The following SNX24 variants were observed in gnomAD, a reference collection of about 807,000 sequenced individuals.
SNX24 encodes sorting nexin-24.
Under a neutral mutation model 28.7 loss-of-function variants are expected in SNX24, and 22 were observed. The ratio of observed to expected loss-of-function variants is 0.77; its 90% CI spans 0.55 to 1.10. The LOEUF (loss-of-function observed/expected upper bound fraction) is 1.10. Among genes scored for constraint, SNX24 ranks in the 50% least tolerant of loss-of-function variants. The pLI, the probability that SNX24 is intolerant of heterozygous loss-of-function variation, is 0.00. For synonymous variants in SNX24, 69 were observed against 71.5 expected, an observed-to-expected ratio of 0.96 and a Z score of 0.18; for missense variants, 221 against 201.1, an observed-to-expected ratio of 1.10 and a Z score of -0.60.
At chr5:122,913,978 C>T (rs527700926) in intron 1 of SNX24, among the ~76,000 whole-genome samples, 84 of 152,290 alleles carry the variant, frequency 5.5e-4, no homozygotes, top group African/African-American at 2.0e-3. Context: ...GGCGTGGCGG[C>T]GCGCACCTGC....
At chr5:122,928,856 G>A (rs887721816) in intron 1 of SNX24, among the ~76,000 whole-genome samples, 2 of 147,320 alleles carry the variant, frequency 1.4e-5, no homozygotes, top group African/African-American at 5.0e-5. Context: ...CAGAGACCTT[G>A]TATGGTTTTC....
At chr5:122,871,874 A>G (rs577347938) in intron 1 of SNX24, among the ~76,000 whole-genome samples, 2 of 152,126 alleles carry the variant, frequency 1.3e-5, no homozygotes, top group Non-Finnish European at 2.9e-5. Flanking sequence ...TTGATTCCAC[A>G]TTCTGGCATC....
intron 6 of SNX24, among the ~76,000 whole-genome samples, chr5:123,007,369 A>T (rs974991112): frequency 2.6e-5 from 4 of 152,264 alleles, no homozygotes; most frequent in Admixed American, 2.6e-4. Context: ...AGTGTAATCC[A>T]TCTTCCTTTT....
chr5:122,980,923 C>G (rs1761366831), intron 3 of SNX24, among the ~76,000 whole-genome samples: 1 of 151,998 alleles, frequency 6.6e-6, no homozygotes, highest in Non-Finnish European at 1.5e-5. Context: ...TCTGAAATTG[C>G]CGGTGCTCAT....
At chr5:122,963,432 A>G (rs1383937830) in intron 3 of SNX24, among the ~76,000 whole-genome samples, 1 of 152,188 alleles carries the variant, frequency 6.6e-6, no homozygotes, top group Non-Finnish European at 1.5e-5. Context: ...CAGAAAGACC[A>G]CATATTACCT....
chr5:123,024,076 C>A, intron 5 of SNX24: 1 of 1,516,216 alleles, frequency 6.6e-7, no homozygotes, highest in Non-Finnish European at 8.9e-7. Flanking sequence ...TAAACCAAAG[C>A]CAACTCCAAA....
At chr5:122,866,441 G>A (rs989699529) in intron 1 of SNX24, among the ~76,000 whole-genome samples, 5 of 152,096 alleles carry the variant, frequency 3.3e-5, no homozygotes, top group Non-Finnish European at 5.9e-5. Flanking sequence ...GAGCCACCAC[G>A]CCCTGCCATA....
At chr5:122,903,411 C>T (rs538054063) in intron 1 of SNX24, among the ~76,000 whole-genome samples, 51 of 152,308 alleles carry the variant, frequency 3.3e-4, no homozygotes, top group Middle Eastern at 3.4e-3. Flanking sequence ...CACAGTGCCA[C>T]GCCTCCTCTG....
chr5:122,979,365 G>T (rs1163859536), intron 3 of SNX24, among the ~76,000 whole-genome samples: 1 of 152,186 alleles, frequency 6.6e-6, no homozygotes, highest in East Asian at 1.9e-4. Flanking sequence ...AGCTGCTATT[G>T]ATTTGCTTCC....
At chr5:122,989,580 A>G (rs1761745927) in intron 3 of SNX24, among the ~76,000 whole-genome samples, 1 of 152,122 alleles carries the variant, frequency 6.6e-6, no homozygotes, top group African/African-American at 2.4e-5. Context: ...GGCAGGGTAT[A>G]TTATTTTCAT....
chr5:122,931,965 A>G (rs899138759), intron 1 of SNX24, among the ~76,000 whole-genome samples: 1 of 151,992 alleles, frequency 6.6e-6, no homozygotes, highest in African/African-American at 2.4e-5. Flanking sequence ...TTTATTAGAT[A>G]TATTCCTGAA....
chr5:123,023,985 C>G, intron 5 of SNX24: 1 of 1,613,462 alleles, frequency 6.2e-7, no homozygotes, highest in Non-Finnish European at 8.5e-7. Context: ...GCTTGGAGCT[C>G]TATGGAGTGC....
At chr5:122,850,648 T>C (rs961730604) in intron 1 of SNX24, among the ~76,000 whole-genome samples, 2 of 151,672 alleles carry the variant, frequency 1.3e-5, no homozygotes. Flanking sequence ...AGTAAGCAAA[T>C]AAGAACTGAA....
chr5:122,856,779 G>C (rs766680245), intron 1 of SNX24, among the ~76,000 whole-genome samples: 5 of 152,082 alleles, frequency 3.3e-5, no homozygotes, highest in Admixed American at 6.6e-5. Flanking sequence ...GCCTCCCAAA[G>C]TGCTGGGAAT....
At chr5:122,903,224 C>T (rs900305511) in intron 1 of SNX24, among the ~76,000 whole-genome samples, 53 of 152,258 alleles carry the variant, frequency 3.5e-4, no homozygotes, top group African/African-American at 1.2e-3. Context: ...CCTCCCACCT[C>T]AGCCTCCCTA....
intron 1 of SNX24, among the ~76,000 whole-genome samples, chr5:122,865,126 G>A (rs1401245817): frequency 6.6e-6 from 1 of 152,228 alleles, no homozygotes; most frequent in Non-Finnish European, 1.5e-5. Flanking sequence ...AGGTTCTGAA[G>A]TACCATTTCA....
In SNX24 at chr5:123,008,722, A is replaced by C; in HGVS notation, c.*973A>C. 1 of 349,338 alleles carries C rather than the reference A, an allele frequency of 2.9e-6. No homozygotes were observed. The highest frequency in any genetic ancestry group is 1.7e-4 in the East Asian group (1 of 5,998). 21.6% of individuals were successfully genotyped at this position (349,338 alleles called of 1,614,324 possible). ...AGGGTGTGCATTCATTTTAGGTGGGATCGCCACAGGATTTCATGTTATTTT... is the reference window on the plus strand; with the variant it reads ...AGGGTGTGCATTCATTTTAGGTGGGCTCGCCACAGGATTTCATGTTATTTT... On this transcript the variant is annotated 3_prime_UTR_variant, in exon 7 of 7. Transcript: ENST00000261369.
At chr5:122,886,970 T>A (rs1756746205) in intron 1 of SNX24, among the ~76,000 whole-genome samples, 1 of 152,210 alleles carries the variant, frequency 6.6e-6, no homozygotes, top group Non-Finnish European at 1.5e-5. Flanking sequence ...TTTTTTAATT[T>A]AAAAAAAGTT....
intron 1 of SNX24, among the ~76,000 whole-genome samples, chr5:122,881,193 A>G (rs1756465138): frequency 6.7e-6 from 1 of 148,556 alleles, no homozygotes; most frequent in African/African-American, 2.5e-5. Flanking sequence ...AAAATTTGTT[A>G]TAGGATATAT....
Sources: gnomAD v4.1 joint callset for allele counts (sites outside exome capture counted in the v4.1 genomes callset) on GRCh38, gnomAD v4.1.1 for gene constraint, MANE v1.5 for transcripts, NCBI Gene and HGNC (gene_info 2026-07-23, HGNC 2026-07-21) for gene names.